GFPT1: variants seen among roughly 807,000 people sequenced by gnomAD.
GFPT1 encodes glutamine--fructose-6-phosphate transaminase 1.
GFPT1 carries 40 observed loss-of-function variants against 92.0 expected under a neutral mutation model. That is an observed-to-expected ratio of 0.43 (90% CI 0.34 to 0.57). The LOEUF (loss-of-function observed/expected upper bound fraction) is 0.57, where lower values mean the gene tolerates loss of function less well. GFPT1 is among the 20% of genes least tolerant of loss of function. The pLI, the probability that GFPT1 is intolerant of heterozygous loss-of-function variation, is 0.02. For missense variants in GFPT1, 448 were observed against 869.1 expected (o/e 0.52, Z 6.09); for synonymous variants, 269 against 280.6 (o/e 0.96, Z 0.41).
intron 2 of GFPT1, among the ~76,000 whole-genome samples, chr2:69,371,845 A>T (rs181615241): frequency 1.3e-5 from 2 of 151,918 alleles, no homozygotes; most frequent in Admixed American, 1.3e-4. Context: ...TCAAAAAAAT[A>T]AAAATTAAAA....
At chr2:69,346,144 G>A in intron 11 of GFPT1, 145 bp from the exon 12 acceptor site, 1 of 628,998 alleles carries the variant, frequency 1.6e-6, no homozygotes, top group Non-Finnish European at 2.8e-6. Context: ...TAAAAGATTG[G>A]GTGAACATAT....
At chr2:69,370,757 G>A (rs1270353227) in intron 2 of GFPT1, among the ~76,000 whole-genome samples, 1 of 152,174 alleles carries the variant, frequency 6.6e-6, no homozygotes, top group Non-Finnish European at 1.5e-5. Flanking sequence ...GGAACTGACT[G>A]AATGTAAGTG....
intron 1 of GFPT1, among the ~76,000 whole-genome samples, chr2:69,385,321 G>A (rs1026746257): frequency 1.3e-5 from 2 of 152,100 alleles, no homozygotes; most frequent in African/African-American, 4.8e-5. Context: ...CACCTCCTGG[G>A]TTCAAGCAAT....
chr2:69,377,345 A>G (rs191929574), intron 1 of GFPT1, among the ~76,000 whole-genome samples: 13 of 152,106 alleles, frequency 8.5e-5, no homozygotes, highest in Admixed American at 8.5e-4. Flanking sequence ...CACTATATGA[A>G]TCTTGAGAGC....
Position 69,326,334 on chromosome 2 carries a change from AAAC to A in GFPT1, c.2056-104_2056-102del, listed in dbSNP as rs1574038532. 1.5e-5 allele frequency: 11 copies of A among 727,982 alleles called. No individual in the cohort carries two copies. In the East Asian group the frequency reaches 2.9e-4, roughly 19 times the overall value. The allele number at this position is 727,982 out of a possible 1,614,324, so 45.1% of individuals were successfully genotyped here. ...AATTATTTTTGTTTATAAAAACAGA[AAAC>A]AATACATTCATTAACCATCTTTATT... On this transcript the variant is annotated intron_variant, in intron 19 of 19. Transcript: ENST00000357308.
intron 13 of GFPT1, among the ~76,000 whole-genome samples, chr2:69,339,074 G>C (rs1315981355): frequency 2.0e-5 from 3 of 152,158 alleles, no homozygotes; most frequent in African/African-American, 7.2e-5. Context: ...ATGAGCCACT[G>C]CGCCTGGACA....
intron 9 of GFPT1, among the ~76,000 whole-genome samples, chr2:69,351,887 T>A (rs1389768633): frequency 6.6e-6 from 1 of 152,206 alleles, no homozygotes; most frequent in Non-Finnish European, 1.5e-5. Flanking sequence ...GTTCTGTATC[T>A]TGATTATGGT....
intron 15 of GFPT1, 147 bp downstream of exon 15, chr2:69,337,751 T>C: frequency 1.4e-6 from 1 of 719,152 alleles, no homozygotes; most frequent in South Asian, 1.6e-5. Context: ...ATTAGTAAAA[T>C]GTGTGAGTTC....
intron 8 of GFPT1, 27 bp downstream of exon 8, chr2:69,354,462 G>T: frequency 7.3e-7 from 1 of 1,374,090 alleles, no homozygotes; most frequent in Non-Finnish European, 1.0e-6. Context: ...CATATCTACT[G>T]CACTGCATTT....
chr2:69,343,052 C>T (rs1303492323), intron 12 of GFPT1, among the ~76,000 whole-genome samples: 1 of 152,220 alleles, frequency 6.6e-6, no homozygotes, highest in Admixed American at 6.5e-5. Flanking sequence ...AGAAGGATCT[C>T]TTACAGTGAT....
intron 19 of GFPT1, 99 bp downstream of exon 19, chr2:69,326,815 G>T: frequency 8.7e-7 from 1 of 1,148,316 alleles, no homozygotes; most frequent in Non-Finnish European, 1.3e-6. Context: ...ATATTTGATA[G>T]ATTTCTCAAA....
chr2:69,324,719 T>C lies in GFPT1; in HGVS notation c.*1470A>G, dbSNP rs1210824712. 6.6e-6 allele frequency: 1 copy of C among 152,174 alleles called. No individual in the cohort carries two copies. The highest frequency in any genetic ancestry group is 1.5e-5 in the Non-Finnish European group (1 of 68,018). 9.4% of individuals were successfully genotyped at this position (152,174 alleles called of 1,614,324 possible). ...AGGAAAAAACAGCTTACTTAAATAA[T>C]TGTGCTAAATAGCTTATCTTCACAA... is the stretch of plus-strand genomic sequence containing the variant. On this transcript the variant is annotated 3_prime_UTR_variant, in exon 20 of 20. Coordinates refer to ENST00000357308, the MANE Select transcript of GFPT1 (RefSeq NM_001244710.2).
At chr2:69,355,983 CTTTTTTTTTTTTTTT>C (rs1157501841) in intron 7 of GFPT1, among the ~76,000 whole-genome samples, 1 of 75,616 alleles carries the variant, frequency 1.3e-5, no homozygotes, top group Non-Finnish European at 2.3e-5. Flanking sequence ...TATTTGCTTT[CTTTTTTTTTTTTTTT>C]TTTTTTTTTT....
intron 13 of GFPT1, among the ~76,000 whole-genome samples, chr2:69,341,039 A>G (rs1279142259): frequency 6.6e-6 from 1 of 151,188 alleles, no homozygotes; most frequent in Non-Finnish European, 1.5e-5. Context: ...GGCTCACTGC[A>G]GCCTCACCTT....
Position 69,325,281 on chromosome 2 carries a change from A to C in GFPT1, c.*908T>G, listed in dbSNP as rs953103151. The C allele has an allele frequency of 6.6e-6, 1 of 152,198 alleles. No individual in the cohort carries two copies. The highest frequency in any genetic ancestry group is 6.5e-5 in the Admixed American group (1 of 15,280). The allele number at this position is 152,198 out of a possible 1,614,324, so 9.4% of individuals were successfully genotyped here. On this transcript the variant is annotated 3_prime_UTR_variant, in exon 20 of 20. Coordinates refer to ENST00000357308, the MANE Select transcript of GFPT1 (RefSeq NM_001244710.2). ...GTTGAAGAGAATACTGAATATATCA[A>C]TATTAATTTAATAGCAGCTCTGTGT...
intron 6 of GFPT1, 32 bp from the exon 7 acceptor site, chr2:69,356,589 TTAATCAA>T (rs1671344475): frequency 2.0e-6 from 3 of 1,505,430 alleles, no homozygotes; most frequent in South Asian, 2.3e-5. Context: ...TTAGCACTAT[TTAATCAA>T]TTATCAAGTC....
In GFPT1 at chr2:69,386,696, C is replaced by T. The variant is rs372893441; in HGVS notation, c.7+369G>A. Reference sequence around the variant, plus strand: ...ACCTCGCCCGAGGTTCCACAGGTTTCCTCACTCACCTGGTGGGCCCTTTTG... The same window carrying T: ...ACCTCGCCCGAGGTTCCACAGGTTTTCTCACTCACCTGGTGGGCCCTTTTG... On this transcript the variant is annotated intron_variant, in intron 1 of 19. Transcript: ENST00000357308. 6.6e-5 allele frequency among the ~76,000 whole-genome samples: 10 copies of T among 152,126 alleles called. No individual in the cohort carries two copies. The South Asian group carries it at 1.9e-3, about 28-fold the overall frequency.
chr2:69,324,163 G>C lies in GFPT1; in HGVS notation c.*2026C>G, dbSNP rs1359924918. The C allele has an allele frequency of 1.2e-4, 18 of 152,142 alleles. No homozygotes were observed. Among genetic ancestry groups the C allele is most frequent in the Admixed American group, 1.1e-3 (17 of 15,264 alleles). 9.4% of individuals were successfully genotyped at this position (152,142 alleles called of 1,614,324 possible). ...TTCTTTGTTCTTGATTTTGGTTTTT[G>C]ATATTCAGTTTAGAACTTACCCTAG... On this transcript the variant is annotated 3_prime_UTR_variant, in exon 20 of 20. Transcript: ENST00000357308.
intron 15 of GFPT1, among the ~76,000 whole-genome samples, chr2:69,332,511 T>G (rs2104606155): frequency 6.6e-6 from 1 of 152,016 alleles, no homozygotes; most frequent in African/African-American, 2.4e-5. Flanking sequence ...AGAGACGGGG[T>G]TTCACTATGT....
Sources: gnomAD v4.1 joint callset for allele counts (sites outside exome capture counted in the v4.1 genomes callset) on GRCh38, gnomAD v4.1.1 for gene constraint, MANE v1.5 for transcripts, NCBI Gene and HGNC (gene_info 2026-07-23, HGNC 2026-07-21) for gene names.